The following AGTPBP1 variants were observed in gnomAD, a reference collection of about 807,000 sequenced individuals.
AGTPBP1 encodes the protein ATP/GTP binding carboxypeptidase 1.
Under a neutral mutation model 143.9 loss-of-function variants are expected in AGTPBP1, and 70 were observed. That is an observed-to-expected ratio of 0.49 (90% CI 0.40 to 0.59). The LOEUF (loss-of-function observed/expected upper bound fraction) is 0.59, where lower values mean the gene tolerates loss of function less well. AGTPBP1 is among the 20% of genes least tolerant of loss of function. The probability of loss-of-function intolerance (pLI) is 0.00; values close to 1 mark genes in which losing one functional copy is unlikely to be tolerated. For synonymous variants in AGTPBP1, 463 were observed against 500.2 expected (o/e 0.93, Z 0.99); for missense variants, 1,229 against 1,464.5 (o/e 0.84, Z 2.62).
intron 15 of AGTPBP1, among the ~76,000 whole-genome samples, chr9:85,620,440 G>A (rs944140932): frequency 1.8e-4 from 25 of 142,388 alleles, no homozygotes; most frequent in African/African-American, 5.8e-4. Flanking sequence ...AAAAAAAAAA[G>A]GTGTTTTTTT....
At chr9:85,751,045 T>C in the AGTPBP1 span, among the ~76,000 whole-genome samples, 1 of 152,212 alleles carries the variant, frequency 6.6e-6, no homozygotes, top group Non-Finnish European at 1.5e-5. Flanking sequence ...TGGGCAATTG[T>C]ATATGGGTGT....
intron 15 of AGTPBP1, 31 bp from the exon 16 acceptor site, chr9:85,619,332 A>T: frequency 4.8e-6 from 7 of 1,473,660 alleles, no homozygotes; most frequent in African/African-American, 1.4e-5. Context: ...AAATGTATTA[A>T]AATACATTGC....
At chr9:85,788,238 A>G in the AGTPBP1 span, among the ~76,000 whole-genome samples, 1 of 151,818 alleles carries the variant, frequency 6.6e-6, no homozygotes, top group African/African-American at 2.4e-5. Flanking sequence ...GGGAAATTTT[A>G]TTTTTACCAG....
the AGTPBP1 span, among the ~76,000 whole-genome samples, chr9:85,757,205 T>C: frequency 6.6e-6 from 1 of 152,260 alleles, no homozygotes; most frequent in South Asian, 2.1e-4. Context: ...TAGCTCGGAC[T>C]ACAGGCACAC....
At chr9:85,676,027 A>T (rs1834809710) in intron 6 of AGTPBP1, among the ~76,000 whole-genome samples, 2 of 151,628 alleles carry the variant, frequency 1.3e-5, no homozygotes, top group Admixed American at 1.3e-4. Flanking sequence ...CCGTCTCAAA[A>T]ATAAAAAAAA....
At chr9:85,792,136 TA>T in the AGTPBP1 span, 1 of 152,216 alleles carries the variant, frequency 6.6e-6, no homozygotes, top group Non-Finnish European at 1.5e-5. Flanking sequence ...AAAACCTGTG[TA>T]TAAAAAAACT....
intron 25 of AGTPBP1, among the ~76,000 whole-genome samples, chr9:85,573,862 G>A (rs919383225): frequency 2.7e-5 from 4 of 150,754 alleles, no homozygotes; most frequent in East Asian, 2.0e-4. Context: ...GAGACCCTCC[G>A]CCTGGCAGCC....
intron 15 of AGTPBP1, among the ~76,000 whole-genome samples, 155 bp from the exon 16 acceptor site, chr9:85,619,456 C>T (rs959774200): frequency 2.0e-5 from 3 of 152,182 alleles, no homozygotes; most frequent in East Asian, 1.9e-4. Flanking sequence ...ACAATCAATA[C>T]ATTAAATGTG....
chr9:85,637,025 A>G (rs1270198518), intron 13 of AGTPBP1, among the ~76,000 whole-genome samples: 4 of 150,992 alleles, frequency 2.6e-5, no homozygotes, highest in Admixed American at 2.0e-4. Flanking sequence ...AAATGAAAGC[A>G]TATCTCCCCA....
At chr9:85,795,489 G>C in the AGTPBP1 span, among the ~76,000 whole-genome samples, 2 of 152,198 alleles carry the variant, frequency 1.3e-5, no homozygotes, top group African/African-American at 4.8e-5. Context: ...TAAACAGGCA[G>C]TTACATTTGA....
In AGTPBP1 at chr9:85,596,423, G is replaced by C; in HGVS notation, c.2362C>G (p.Gln788Glu). 1 of 1,609,148 alleles carries C rather than the reference G, an allele frequency of 6.2e-7. No homozygotes were observed. The highest frequency in any genetic ancestry group is 8.5e-7 in the Non-Finnish European group (1 of 1,177,852). The change falls in exon 18 of 26, where the codon CAG (glutamine) becomes GAG (glutamate). Residue 788 changes from glutamine to glutamate, a missense_variant. Around this residue, in one of 2 missense-constraint regions of AGTPBP1, gnomAD observed 486 missense variants for 652.3 expected, o/e 0.75. Coordinates refer to ENST00000357081, the MANE Select transcript of AGTPBP1 (RefSeq NM_001330701.2). ...CATGGTCTGGCATTTAATGCTTCCT[G>C]AACCGAATACATGAGTGGTTGCATA... is the stretch of plus-strand genomic sequence containing the variant. ...YGMQPLMYSV[Q>E]EALNARPWWI... is the part of the protein sequence containing the mutation.
chr9:85,801,831 T>C, the AGTPBP1 span, among the ~76,000 whole-genome samples: 35 of 152,198 alleles, frequency 2.3e-4, 1 homozygote, highest in Admixed American at 2.3e-3. Context: ...CACTCATAGA[T>C]TAAAGATTTT....
At chr9:85,652,151 CTTATAA>C (rs1833201661) in intron 11 of AGTPBP1, among the ~76,000 whole-genome samples, 1 of 152,058 alleles carries the variant, frequency 6.6e-6, no homozygotes. Context: ...CAAAAATAGC[CTTATAA>C]TTAAGCAATC....
intron 2 of AGTPBP1, among the ~76,000 whole-genome samples, chr9:85,703,484 A>G (rs1260342922): frequency 1.3e-5 from 2 of 152,258 alleles, no homozygotes; most frequent in African/African-American, 2.4e-5. Flanking sequence ...TTTTAGTGAT[A>G]GATACAAAAC....
chr9:85,672,323 C>T (rs917138859), intron 7 of AGTPBP1, among the ~76,000 whole-genome samples: 1 of 152,258 alleles, frequency 6.6e-6, no homozygotes, highest in South Asian at 2.1e-4. Flanking sequence ...CCCGCCTTGG[C>T]CTCCCAAAGT....
intron 19 of AGTPBP1, 90 bp downstream of exon 19, chr9:85,592,470 T>C: frequency 1.2e-6 from 1 of 861,272 alleles, no homozygotes; most frequent in Non-Finnish European, 1.7e-6. Context: ...TTATTATCAT[T>C]ATCCTTATGT....
Position 85,672,693 on chromosome 9 carries a change from A to G in AGTPBP1, c.437-12T>C, listed in dbSNP as rs578257128. The G allele has an allele frequency of 1.9e-6, 3 of 1,570,270 alleles. No individual in the cohort carries two copies. The highest frequency in any genetic ancestry group is 1.2e-5 in the South Asian group (1 of 83,554). ...TCCAAATTTTTTATCTGTTTAAAAA[A>G]AAAAAAGACAATTTATGCACATACA... On this transcript the variant is annotated splice_polypyrimidine_tract_variant and intron_variant, in intron 6 of 25. Coordinates refer to ENST00000357081, the MANE Select transcript of AGTPBP1 (RefSeq NM_001330701.2).
intron 25 of AGTPBP1, among the ~76,000 whole-genome samples, chr9:85,573,717 G>A (rs1331560206): frequency 1.3e-5 from 2 of 151,024 alleles, no homozygotes; most frequent in African/African-American, 2.4e-5. Flanking sequence ...CTGCCCGGCC[G>A]CCCATCATCT....
At chr9:85,625,370 C>G (rs1831205884) in intron 14 of AGTPBP1, among the ~76,000 whole-genome samples, 1 of 152,262 alleles carries the variant, frequency 6.6e-6, no homozygotes, top group South Asian at 2.1e-4. Flanking sequence ...TAGATTTTAG[C>G]CAATCTGATA....
Sources: gnomAD v4.1 joint callset for allele counts (sites outside exome capture counted in the v4.1 genomes callset) on GRCh38, gnomAD v4.1.1 for gene constraint, gnomAD v4.1.1 regional missense constraint, MANE v1.5 for transcripts, NCBI Gene and HGNC (gene_info 2026-07-23, HGNC 2026-07-21) for gene names.